LARP4: variants seen among roughly 807,000 people sequenced by gnomAD.
The protein encoded by LARP4 is la-related protein 4.
A neutral mutation model predicts 92.9 loss-of-function variants in LARP4; 29 were observed. The observed-to-expected ratio is 0.31, with a 90% CI of 0.23 to 0.43. LARP4 has a LOEUF of 0.43. Ranked by LOEUF, LARP4 falls within the 20% of genes least tolerant of loss-of-function variation. The probability of loss-of-function intolerance (pLI) is 1.00; values close to 1 mark genes in which losing one functional copy is unlikely to be tolerated. For synonymous variants in LARP4, 279 were observed against 284.1 expected (o/e 0.98, Z 0.18); for missense variants, 732 against 860.0 (o/e 0.85, Z 1.86).
At chr12:50,445,934 A>G (rs1235068552) in intron 8 of LARP4, among the ~76,000 whole-genome samples, 1 of 145,482 alleles carries the variant, frequency 6.9e-6, no homozygotes, top group African/African-American at 2.5e-5. Flanking sequence ...CCTTTTTTTG[A>G]TTCTTTTTCA....
chr12:50,447,766 T>A (rs1952450088), intron 8 of LARP4, among the ~76,000 whole-genome samples: 2 of 151,956 alleles, frequency 1.3e-5, no homozygotes, highest in South Asian at 4.2e-4. Context: ...CCCAGGCTGG[T>A]CTCAAACTCC....
At chr12:50,446,241 C>G (rs1282881919) in intron 8 of LARP4, among the ~76,000 whole-genome samples, 1 of 147,828 alleles carries the variant, frequency 6.8e-6, no homozygotes, top group Non-Finnish European at 1.5e-5. Flanking sequence ...TTCCTGACCT[C>G]ATGATCTGCC....
At chr12:50,460,505 G>T (rs989875147) in intron 10 of LARP4, among the ~76,000 whole-genome samples, 2 of 151,438 alleles carry the variant, frequency 1.3e-5, no homozygotes, top group Non-Finnish European at 1.5e-5. Context: ...ATTTTTTTTT[G>T]CAGTGATGGG....
At chr12:50,447,485 T>C (rs1329285235) in intron 8 of LARP4, among the ~76,000 whole-genome samples, 3 of 152,234 alleles carry the variant, frequency 2.0e-5, no homozygotes, top group Admixed American at 2.0e-4. Flanking sequence ...TTTTTAAAAG[T>C]AATATAGGAA....
rs1957768380 is a variant in LARP4, at chr12:50,479,803, G to C, written c.*3939G>C. On this transcript the variant is annotated 3_prime_UTR_variant, in exon 16 of 16. Transcript: ENST00000398473. Reference sequence around the variant, plus strand: ...TTAAATGTTGGGGGTGGGGGTCAGAGCCAGTTATCCGGCTTCTGTTTTGTC... The same window carrying C: ...TTAAATGTTGGGGGTGGGGGTCAGACCCAGTTATCCGGCTTCTGTTTTGTC... 1 of 152,176 alleles carries C rather than the reference G, an allele frequency of 6.6e-6. No homozygotes were observed. The highest frequency in any genetic ancestry group is 1.5e-5 in the Non-Finnish European group (1 of 68,024). 9.4% of individuals were successfully genotyped at this position (152,176 alleles called of 1,614,324 possible).
chr12:50,454,242 A>T, intron 9 of LARP4, 72 bp from the exon 10 acceptor site: 1 of 1,078,368 alleles, frequency 9.3e-7, no homozygotes, highest in Non-Finnish European at 1.4e-6. Context: ...TAAGCTCATT[A>T]AGGTTCTTGT....
chr12:50,452,491 C>T (rs545750693), intron 8 of LARP4, among the ~76,000 whole-genome samples: 8 of 152,250 alleles, frequency 5.3e-5, no homozygotes, highest in African/African-American at 1.9e-4. Flanking sequence ...CTATTTTTAA[C>T]TTTTGAGGAA....
intron 1 of LARP4, among the ~76,000 whole-genome samples, chr12:50,415,494 T>C (rs897832586): frequency 6.6e-6 from 1 of 152,144 alleles, no homozygotes; most frequent in Non-Finnish European, 1.5e-5. Context: ...TCCTCCGATA[T>C]TTGGATATTT....
intron 1 of LARP4, among the ~76,000 whole-genome samples, chr12:50,426,545 T>C (rs1472150439): frequency 6.6e-6 from 1 of 152,030 alleles, no homozygotes; most frequent in East Asian, 1.9e-4. Flanking sequence ...CTGAAAGGTA[T>C]ACGCTTGTTA....
chr12:50,473,927 TTTC>T (rs1461830046), intron 14 of LARP4, 69 bp from the exon 15 acceptor site: 14 of 1,363,190 alleles, frequency 1.0e-5, no homozygotes. Context: ...AAAATTACGT[TTTC>T]TTCTGATTAG....
intron 6 of LARP4, among the ~76,000 whole-genome samples, chr12:50,439,842 C>T (rs1950946474): frequency 6.6e-6 from 1 of 151,952 alleles, no homozygotes. Context: ...TGGTAGTCAC[C>T]CTTTTTCTGA....
chr12:50,446,003 C>CTTTTTTTT (rs71441367), intron 8 of LARP4, among the ~76,000 whole-genome samples: 156 of 126,900 alleles, frequency 1.2e-3, no homozygotes, highest in Non-Finnish European at 1.8e-3. Context: ...TTTCTTTTTT[C>CTTTTTTTT]TTTTTTTTTT....
intron 1 of LARP4, among the ~76,000 whole-genome samples, chr12:50,422,389 T>C (rs948142512): frequency 1.3e-5 from 2 of 152,232 alleles, no homozygotes; most frequent in African/African-American, 4.8e-5. Context: ...TTTTCCACTC[T>C]ATTATGTGAA....
chr12:50,467,936 C>T (rs1956374792), intron 13 of LARP4, among the ~76,000 whole-genome samples: 2 of 151,960 alleles, frequency 1.3e-5, no homozygotes, highest in African/African-American at 4.8e-5. Flanking sequence ...CTTTCAGCTC[C>T]TTAGTTTTTC....
In LARP4 at chr12:50,440,450, T is replaced by C; in HGVS notation, c.651T>C (p.Gly217=). 3 of 1,612,800 alleles carry C rather than the reference T, an allele frequency of 1.9e-6. No individual in the cohort carries two copies. The highest frequency in any genetic ancestry group is 2.5e-6 in the Non-Finnish European group (3 of 1,178,980). ...CTTTTTCTTTTTAGGAAGTGAAAGG[T>C]TTGTTCAAAAGTGAAAACTGCCCCA... ...PETTPIEEVK[G]LFKSENCPKV... Residue 217 remains glycine (G), a synonymous_variant, in exon 7 of 16, where the codon GGT becomes GGC. Transcript: ENST00000398473.
At chr12:50,439,282 A>G (rs757541117) in intron 6 of LARP4, among the ~76,000 whole-genome samples, 13 of 152,208 alleles carry the variant, frequency 8.5e-5, no homozygotes, top group Non-Finnish European at 1.9e-4. Flanking sequence ...TTCTGAATAC[A>G]TAAAGAGTTC....
At position 50,401,859 on chromosome 12, in the gene LARP4, A is replaced by G. The variant is rs958131085; in HGVS notation, c.18+831A>G. ...ATTTTAGTTTTCAAGATAGAGTTGG[A>G]TACCTGCCTTACAGAAATACGAAAT... On this transcript the variant is annotated intron_variant, in intron 1 of 15. Coordinates refer to ENST00000398473, the MANE Select transcript of LARP4 (RefSeq NM_052879.5). 4.6e-5 allele frequency among the ~76,000 whole-genome samples: 7 copies of G among 152,324 alleles called. No individual in the cohort carries two copies. In the Middle Eastern group the frequency reaches 0.014, roughly 296 times the overall value.
chr12:50,479,533 T>C lies in LARP4; in HGVS notation c.*3669T>C, dbSNP rs763306138. ...ATATTTTAAGAAGTTGAAAGAGAATTTATTTTCAAGTTGTGAGTAAATCCT... is the reference window on the plus strand; with the variant it reads ...ATATTTTAAGAAGTTGAAAGAGAATCTATTTTCAAGTTGTGAGTAAATCCT... On this transcript the variant is annotated 3_prime_UTR_variant, in exon 16 of 16. Coordinates refer to ENST00000398473, the MANE Select transcript of LARP4 (RefSeq NM_052879.5). The C allele has an allele frequency of 1.3e-5, 2 of 152,214 alleles. No individual in the cohort carries two copies. Among genetic ancestry groups the C allele is most frequent in the African/African-American group, 4.8e-5 (2 of 41,452 alleles). 9.4% of individuals were successfully genotyped at this position (152,214 alleles called of 1,614,324 possible). A position where few individuals can be genotyped will look rare whatever the true frequency, so the allele number is the denominator to read the frequency against.
chr12:50,401,079 G>C, intron 1 of LARP4, 51 bp downstream of exon 1: 1 of 1,607,346 alleles, frequency 6.2e-7, no homozygotes, highest in Non-Finnish European at 8.5e-7. Context: ...CAGGAGTGTA[G>C]AGGCGCCGGC....
Sources: gnomAD v4.1 joint callset for allele counts (sites outside exome capture counted in the v4.1 genomes callset) on GRCh38, gnomAD v4.1.1 for gene constraint, MANE v1.5 for transcripts, NCBI Gene and HGNC (gene_info 2026-07-23, HGNC 2026-07-21) for gene names.